Variants in PCDHA6 observed in about 807,000 individuals in gnomAD.
PCDHA6 encodes the protein protocadherin alpha-6.
In PCDHA6, 55 loss-of-function variants were observed where a neutral mutation model predicts 60.3. The ratio of observed to expected loss-of-function variants is 0.91; its 90% confidence interval spans 0.73 to 1.14. The LOEUF (loss-of-function observed/expected upper bound fraction) is 1.14. PCDHA6 is among the 50% of genes most tolerant of loss of function. The pLI, the probability that PCDHA6 is intolerant of heterozygous loss-of-function variation, is 0.00. For missense variants in PCDHA6, 1,327 were observed against 1,256.5 expected (o/e 1.06, Z -0.85); for synonymous variants, 652 against 557.9 (o/e 1.17, Z -2.38).
In PCDHA6 at chr5:140,829,627, G is replaced by C; in HGVS notation, c.1536G>C (p.Ala512=). 1 of 1,612,248 alleles carries C rather than the reference G, an allele frequency of 6.2e-7. No homozygotes were observed. The highest frequency in any genetic ancestry group is 8.5e-7 in the Non-Finnish European group (1 of 1,179,792). Residue 512 remains alanine, a synonymous_variant, in exon 1 of 4, where the codon GCG becomes GCC. Transcript: ENST00000529310. ...RALSSYISVH[A]ESGKVYALQP... is the part of the protein sequence containing the mutation. ...TGTCGAGCTACATTTCGGTGCACGC[G>C]GAGAGCGGCAAGGTGTACGCGCTGC...
intron 1 of PCDHA6, chr5:140,883,517 A>G: frequency 6.2e-7 from 1 of 1,614,162 alleles, no homozygotes; most frequent in Non-Finnish European, 8.5e-7. Context: ...GGACCGCGAG[A>G]GCGTATCAGC....
intron 1 of PCDHA6, among the ~76,000 whole-genome samples, chr5:140,872,813 A>G (rs2053916797): frequency 6.6e-6 from 1 of 152,208 alleles, no homozygotes; most frequent in Non-Finnish European, 1.5e-5. Flanking sequence ...TAAGTTTTTC[A>G]GATTCATCTA....
At chr5:140,877,627 A>G (rs782765998) in intron 1 of PCDHA6, 3 of 1,613,732 alleles carry the variant, frequency 1.9e-6, no homozygotes, top group Admixed American at 3.3e-5. Context: ...GCTGCTGTAC[A>G]CTGCGCTGCG....
At chr5:140,997,142 G>A (rs1038632915) in intron 3 of PCDHA6, among the ~76,000 whole-genome samples, 40 of 151,426 alleles carry the variant, frequency 2.6e-4, no homozygotes, top group African/African-American at 2.7e-4. Flanking sequence ...CCACACCCCC[G>A]CCACAGTGAC....
At chr5:140,908,895 G>A (rs1381470212) in intron 1 of PCDHA6, among the ~76,000 whole-genome samples, 1 of 152,158 alleles carries the variant, frequency 6.6e-6, no homozygotes, top group Non-Finnish European at 1.5e-5. Flanking sequence ...TCCCAAATAA[G>A]CCTCTTTCGT....
rs116001450 is a variant in PCDHA6 at position 140,876,617 on chromosome 5, A to G, written c.2394+46132A>G. 182 of 1,614,178 alleles carry G rather than the reference A, an allele frequency of 1.1e-4. No individual in the cohort carries two copies. The African/African-American group carries it at 2.3e-3, about 20-fold the overall frequency. ...GTGTCGGATCGTGACTCTGGAGCCAATGGACAGGTCATCTGCTCACTGACA... is the reference window on the plus strand; with the variant it reads ...GTGTCGGATCGTGACTCTGGAGCCAGTGGACAGGTCATCTGCTCACTGACA... On this transcript the variant is annotated intron_variant, in intron 1 of 3. Transcript: ENST00000529310.
At chr5:140,870,796 C>T in intron 1 of PCDHA6, 1 of 1,613,694 alleles carries the variant, frequency 6.2e-7, no homozygotes, top group Non-Finnish European at 8.5e-7. Flanking sequence ...GCCGGCACTG[C>T]TGGCGACTCA....
At chr5:140,884,075 T>C (rs2059980601) in intron 1 of PCDHA6, 1 of 1,613,342 alleles carries the variant, frequency 6.2e-7, no homozygotes, top group South Asian at 1.1e-5. Context: ...CGATTCGGGC[T>C]ACAATGCGTG....
chr5:140,845,723 T>A (rs1461937173), intron 1 of PCDHA6, among the ~76,000 whole-genome samples: 7 of 149,666 alleles, frequency 4.7e-5, no homozygotes, highest in African/African-American at 1.5e-4. Context: ...GCATGATAAA[T>A]GTGAATTCTA....
chr5:140,935,550 C>G (rs1419018426), intron 1 of PCDHA6, among the ~76,000 whole-genome samples: 2 of 152,156 alleles, frequency 1.3e-5, no homozygotes, highest in African/African-American at 4.8e-5. Flanking sequence ...TTTAAAGTAT[C>G]TTGGAAAAGT....
intron 1 of PCDHA6, chr5:140,867,631 G>A (rs1554161429): frequency 1.3e-5 from 2 of 151,978 alleles, no homozygotes; most frequent in African/African-American, 4.8e-5. Flanking sequence ...AAATATTTAA[G>A]CTAGAGTGAT....
At chr5:140,859,201 G>A (rs1356259348) in intron 1 of PCDHA6, 1 of 149,574 alleles carries the variant, frequency 6.7e-6, no homozygotes. Flanking sequence ...ATGATATTCA[G>A]GTATTAGCTC....
rs1489456152 is a variant in PCDHA6 at position 140,857,912 on chromosome 5, C to T, written c.2394+27427C>T. On this transcript the variant is annotated intron_variant, in intron 1 of 3. Transcript: ENST00000529310. ...GGCGGTTGGTGCACGCATCCCGTTT[C>T]GCGTGGGGCTGTACACGGGCGAGAT... is the stretch of plus-strand genomic sequence containing the variant. 3.1e-6 allele frequency: 5 copies of T among 1,597,650 alleles called. 1 individual carries two copies. In the Admixed American group the frequency reaches 6.7e-5, roughly 22 times the overall value.
chr5:140,897,389 C>G (rs1212817070), intron 1 of PCDHA6, among the ~76,000 whole-genome samples: 1 of 139,546 alleles, frequency 7.2e-6, no homozygotes, highest in Non-Finnish European at 1.5e-5. Context: ...CTTCCTGTGT[C>G]CATGTGTTCT....
At position 140,929,057 on chromosome 5, in the gene PCDHA6, C is replaced by G. The variant is rs17844370; in HGVS notation, c.2395-49892C>G. The stretch of plus-strand genomic sequence containing the variant: ...TGCGCTCAGAGCTGCTGTCGCTCTA[C>G]AGAGGATCTGAGGTATGGAAGTAAG... On this transcript the variant is annotated intron_variant, in intron 1 of 3. Coordinates refer to ENST00000529310, the MANE Select transcript of PCDHA6 (RefSeq NM_018909.4). 3 of 1,614,070 alleles carry G rather than the reference C, an allele frequency of 1.9e-6. No individual in the cohort carries two copies. The African/African-American group carries it at 4.0e-5, about 22-fold the overall frequency.
At position 140,934,119 on chromosome 5, in the gene PCDHA6, C is replaced by A. The variant is rs1339301991; in HGVS notation, c.2395-44830C>A. Among the ~76,000 whole-genome samples, 6 of 152,170 alleles carry A rather than the reference C, an allele frequency of 3.9e-5. No individual in the cohort carries two copies. In the East Asian group the frequency reaches 1.2e-3, roughly 29 times the overall value. ...GCTTTCTATTTTATTAATTTTCATA[C>A]TTTATTAATTTATTTCCTTCCTTAT... On this transcript the variant is annotated intron_variant, in intron 1 of 3. Transcript: ENST00000529310.
At chr5:140,864,302 C>T (rs550549818) in intron 1 of PCDHA6, 1 of 152,214 alleles carries the variant, frequency 6.6e-6, no homozygotes, top group Non-Finnish European at 1.5e-5. Context: ...TTCAAAAATA[C>T]CATGACAATA....
At chr5:140,926,738 G>T in intron 1 of PCDHA6, 1 of 1,162,106 alleles carries the variant, frequency 8.6e-7, no homozygotes, top group Non-Finnish European at 1.1e-6. Context: ...TTCGGGAGGC[G>T]CAACGTCGGC....
chr5:140,888,620 C>T lies in PCDHA6; in HGVS notation c.2394+58135C>T, dbSNP rs183005411. Among the ~76,000 whole-genome samples the T allele has an allele frequency of 3.4e-3, 514 of 152,264 alleles. 3 individuals are homozygous for T. The highest frequency in any genetic ancestry group is 0.014 in the Middle Eastern group (4 of 294). On this transcript the variant is annotated intron_variant, in intron 1 of 3. Coordinates refer to ENST00000529310, the MANE Select transcript of PCDHA6 (RefSeq NM_018909.4). ...AGCAGCTTTTAGTGTAGCACTAATT[C>T]GGCCTTCTATTACAGCAATACTTTC...
Sources: allele counts gnomAD v4.1 joint callset (sites outside exome capture counted in the v4.1 genomes callset), GRCh38; gene constraint gnomAD v4.1.1; transcripts MANE v1.5; gene names NCBI Gene and HGNC (gene_info 2026-07-23, HGNC 2026-07-21).